The following FAM120A variants were observed in gnomAD, a reference collection of about 807,000 sequenced individuals.
The protein encoded by FAM120A is constitutive coactivator of PPAR-gamma-like protein 1.
Under a neutral mutation model 109.7 loss-of-function variants are expected in FAM120A, and 15 were observed. That is an observed-to-expected ratio of 0.14 (90% confidence interval 0.09 to 0.21). The LOEUF is 0.21. Among genes scored for constraint, FAM120A ranks in the 10% least tolerant of loss-of-function variants. The pLI is 1.00. For missense variants in FAM120A, 899 were observed against 1,439.3 expected, an observed-to-expected ratio of 0.62 and a Z score of 6.07; for synonymous variants, 493 against 572.8, an observed-to-expected ratio of 0.86 and a Z score of 1.99.
chr9:93,522,632 G>A (rs1187257861), intron 7 of FAM120A, among the ~76,000 whole-genome samples: 1 of 152,188 alleles, frequency 6.6e-6, no homozygotes, highest in Non-Finnish European at 1.5e-5. Flanking sequence ...TATTGAGAGA[G>A]AAGACTGAGT....
intron 11 of FAM120A, among the ~76,000 whole-genome samples, chr9:93,547,576 A>C (rs530021664): frequency 6.6e-6 from 1 of 152,320 alleles, no homozygotes; most frequent in South Asian, 2.1e-4. Flanking sequence ...TGGTAAGGAA[A>C]TGAAGGCTGT....
intron 5 of FAM120A, among the ~76,000 whole-genome samples, chr9:93,503,904 C>T (rs1859915273): frequency 6.6e-6 from 1 of 151,878 alleles, no homozygotes; most frequent in South Asian, 2.1e-4. Context: ...AGGCAGTGTG[C>T]TGGGTGCTGA....
intron 1 of FAM120A, among the ~76,000 whole-genome samples, chr9:93,461,418 A>G (rs1730400342): frequency 6.6e-6 from 1 of 152,206 alleles, no homozygotes; most frequent in Non-Finnish European, 1.5e-5. Flanking sequence ...AGAGTTTGCA[A>G]GTGTTACTAT....
chr9:93,470,695 C>G (rs776004450), intron 1 of FAM120A, among the ~76,000 whole-genome samples: 1 of 152,128 alleles, frequency 6.6e-6, no homozygotes, highest in African/African-American at 2.4e-5. Context: ...GATGATTTCA[C>G]CTGACACATT....
chr9:93,554,322 ATT>A (rs2131553844), intron 12 of FAM120A, among the ~76,000 whole-genome samples: 1 of 152,236 alleles, frequency 6.6e-6, no homozygotes, highest in East Asian at 1.9e-4. Flanking sequence ...TTTTGGTTAC[ATT>A]AGTCTTAAAG....
At position 93,500,732 on chromosome 9, in the gene FAM120A, C is replaced by G. The variant is rs1218236314; in HGVS notation, c.1030+1846C>G. Among the ~76,000 whole-genome samples, 3 of 152,170 alleles carry G rather than the reference C, an allele frequency of 2.0e-5. No homozygotes were observed. The highest frequency in any genetic ancestry group is 2.0e-4 in the Admixed American group (3 of 15,282). On this transcript the variant is annotated intron_variant, in intron 5 of 17. Coordinates refer to ENST00000277165, the MANE Select transcript of FAM120A (RefSeq NM_014612.5). The surrounding 1 kb of genome is among the most constrained non-coding windows in gnomAD (Gnocchi z 4.6). The stretch of plus-strand genomic sequence containing the variant: ...GAGGGAGACTAGCTGTATACTGTTT[C>G]ATCAGTTAAGGTGAGGCATTATGGG...
intron 11 of FAM120A, among the ~76,000 whole-genome samples, chr9:93,548,612 AAG>A (rs1861980675): frequency 6.6e-6 from 1 of 152,244 alleles, no homozygotes; most frequent in Non-Finnish European, 1.5e-5. Context: ...AAAAAATAAA[AAG>A]AAATTAAAAT....
chr9:93,499,020 A>C (rs1303426618), intron 5 of FAM120A, 134 bp downstream of exon 5: 2 of 677,054 alleles, frequency 3.0e-6, no homozygotes, highest in South Asian at 3.4e-5. Flanking sequence ...AGTATAGCCA[A>C]ACTTCCTGGG....
chr9:93,489,995 T>C (rs1442215306), intron 3 of FAM120A, among the ~76,000 whole-genome samples: 1 of 152,218 alleles, frequency 6.6e-6, no homozygotes, highest in Non-Finnish European at 1.5e-5. Context: ...CCCAGACCTG[T>C]GCTCCACTGT....
At chr9:93,544,673 G>A (rs1478404047) in intron 11 of FAM120A, among the ~76,000 whole-genome samples, 1 of 152,074 alleles carries the variant, frequency 6.6e-6, no homozygotes, top group African/African-American at 2.4e-5. Flanking sequence ...AAATCAATCC[G>A]CAGTGATGCT....
At chr9:93,518,595 C>T (rs905072245) in intron 7 of FAM120A, among the ~76,000 whole-genome samples, 20 of 152,294 alleles carry the variant, frequency 1.3e-4, no homozygotes, top group African/African-American at 4.8e-4. Flanking sequence ...GAGGTCTGTG[C>T]GCAGAGCTTG....
intron 5 of FAM120A, among the ~76,000 whole-genome samples, chr9:93,506,251 T>C (rs1860049529): frequency 6.6e-6 from 1 of 152,218 alleles, no homozygotes; most frequent in African/African-American, 2.4e-5. Context: ...TTGGAAAGAA[T>C]AAAATCTTTA....
At chr9:93,557,786 CCT>C (rs764537040) in intron 13 of FAM120A, 39 bp from the exon 14 acceptor site, 1 of 1,585,240 alleles carries the variant, frequency 6.3e-7, no homozygotes, top group Non-Finnish European at 8.6e-7. Flanking sequence ...ATTAAAACCC[CCT>C]GTGGATGGCA....
intron 10 of FAM120A, among the ~76,000 whole-genome samples, chr9:93,535,814 A>G (rs1861493634): frequency 6.6e-6 from 1 of 152,240 alleles, no homozygotes; most frequent in Non-Finnish European, 1.5e-5. Context: ...TTAAGTCTCA[A>G]TGCTCTCAAC....
chr9:93,465,904 GT>G (rs1407353705), intron 1 of FAM120A, among the ~76,000 whole-genome samples: 1 of 152,156 alleles, frequency 6.6e-6, no homozygotes, highest in Admixed American at 6.5e-5. Flanking sequence ...CTAATCAGGT[GT>G]TTTATAGAAT....
In FAM120A at chr9:93,557,836, G is replaced by T. The variant is rs115435544; in HGVS notation, c.2494G>T (p.Ala832Ser). The T allele has an allele frequency of 5.5e-5, 89 of 1,613,270 alleles. No individual in the cohort carries two copies. The African/African-American group carries it at 1.0e-3, about 19-fold the overall frequency. Residue 832 changes from alanine to serine, a missense_variant, in exon 14 of 18, where the codon GCT becomes TCT. Coordinates refer to ENST00000277165, the MANE Select transcript of FAM120A (RefSeq NM_014612.5). ...GGTCCTTGTCTTCCAGGCTGATCAG[G>T]CTGCCAAGGTAGAGAAGATGCGCCA... ...IDLCDGQADQ[A>S]AKVEKMRQSV...
At chr9:93,550,831 T>C (rs1263373685) in intron 12 of FAM120A, 140 bp downstream of exon 12, 3 of 604,684 alleles carry the variant, frequency 5.0e-6, no homozygotes, top group African/African-American at 3.7e-5. Flanking sequence ...ACTAATATGA[T>C]AAGAACTTGA....
chr9:93,467,246 A>ACCCCCCC (rs369928187), intron 1 of FAM120A, among the ~76,000 whole-genome samples: 1 of 62,796 alleles, frequency 1.6e-5, no homozygotes, highest in Non-Finnish European at 3.2e-5. Flanking sequence ...ATCTGCTGTC[A>ACCCCCCC]CCCCCCCCCC....
At chr9:93,562,840 G>T (rs553286293) in intron 17 of FAM120A, among the ~76,000 whole-genome samples, 1 of 151,786 alleles carries the variant, frequency 6.6e-6, no homozygotes, top group East Asian at 1.9e-4. Flanking sequence ...AATTTTTGTA[G>T]TTTTAGTAGA....
Sources: allele counts gnomAD v4.1 joint callset (sites outside exome capture counted in the v4.1 genomes callset), GRCh38; gene constraint gnomAD v4.1.1; non-coding constraint Gnocchi (gnomAD v3.1); transcripts MANE v1.5; gene names NCBI Gene and HGNC (gene_info 2026-07-23, HGNC 2026-07-21).